Variants in FAM107B observed in about 807,000 individuals in gnomAD.
FAM107B encodes family with sequence similarity 107 member B.
In FAM107B, 21 loss-of-function variants were observed where a neutral mutation model predicts 31.5. The observed-to-expected ratio is 0.67, with a 90% CI of 0.47 to 0.96. FAM107B has a LOEUF of 0.96. Among genes scored for constraint, FAM107B ranks in the 40% least tolerant of loss-of-function variants. The pLI, the probability that FAM107B is intolerant of heterozygous loss-of-function variation, is 0.00. For missense variants in FAM107B, 452 were observed against 377.1 expected, an observed-to-expected ratio of 1.20 and a Z score of -1.64; for synonymous variants, 157 against 141.5, an observed-to-expected ratio of 1.11 and a Z score of -0.78.
At chr10:14,589,200 AGAGT>A in intron 2 of FAM107B, among the ~76,000 whole-genome samples, 1 of 152,028 alleles carries the variant, frequency 6.6e-6, no homozygotes, top group Non-Finnish European at 1.5e-5. Flanking sequence ...AAGAAAAAAA[AGAGT>A]AAGTGGTGAC....
At chr10:14,552,925 C>A (rs1849389127) in intron 2 of FAM107B, among the ~76,000 whole-genome samples, 1 of 152,192 alleles carries the variant, frequency 6.6e-6, no homozygotes, top group African/African-American at 2.4e-5. Flanking sequence ...GAAAATCCTG[C>A]CCTAATTCAC....
intron 2 of FAM107B, among the ~76,000 whole-genome samples, chr10:14,551,772 T>C (rs1298027265): frequency 1.3e-5 from 2 of 152,296 alleles, no homozygotes; most frequent in Admixed American, 1.3e-4. Context: ...AAGGAATATC[T>C]TTTTCTCCTT....
chr10:14,588,370 C>T (rs1264121443), intron 2 of FAM107B, among the ~76,000 whole-genome samples: 2 of 152,218 alleles, frequency 1.3e-5, no homozygotes, highest in Non-Finnish European at 2.9e-5. Flanking sequence ...CTACTCCAGG[C>T]ACAAATACCA....
intron 2 of FAM107B, chr10:14,604,308 G>A: frequency 2.1e-6 from 2 of 971,304 alleles, no homozygotes; most frequent in Non-Finnish European, 2.4e-6. Context: ...GGCGCCCAGC[G>A]GCCCGACTGC....
chr10:14,603,167 A>G (rs1170279428), intron 2 of FAM107B, among the ~76,000 whole-genome samples: 1 of 152,162 alleles, frequency 6.6e-6, no homozygotes, highest in African/African-American at 2.4e-5. Flanking sequence ...TTTTCTCATG[A>G]AAAGTTTTAA....
At chr10:14,595,511 C>T (rs192822057) in intron 2 of FAM107B, among the ~76,000 whole-genome samples, 71 of 150,028 alleles carry the variant, frequency 4.7e-4, no homozygotes, top group Non-Finnish European at 8.0e-4. Flanking sequence ...CTGCAACCTC[C>T]GCCTCCTGAG....
chr10:14,762,691 G>A (rs1010808706), intron 1 of FAM107B, among the ~76,000 whole-genome samples: 1 of 150,720 alleles, frequency 6.6e-6, no homozygotes, highest in African/African-American at 2.4e-5. Flanking sequence ...GGGAGGCAGA[G>A]GTTGCAGTGA....
At chr10:14,619,749 C>T (rs930974544) in intron 2 of FAM107B, among the ~76,000 whole-genome samples, 2 of 140,286 alleles carry the variant, frequency 1.4e-5, no homozygotes, top group Non-Finnish European at 3.1e-5. Flanking sequence ...CCAAGCTAAG[C>T]ACACAATTAC....
intron 1 of FAM107B, among the ~76,000 whole-genome samples, chr10:14,763,898 C>T (rs1316290531): frequency 6.6e-6 from 1 of 152,192 alleles, no homozygotes; most frequent in Non-Finnish European, 1.5e-5. Flanking sequence ...CATTGCTGTC[C>T]CCATTCAAGA....
chr10:14,539,304 G>T (rs1436709183), intron 2 of FAM107B, among the ~76,000 whole-genome samples: 1 of 152,182 alleles, frequency 6.6e-6, no homozygotes, highest in Non-Finnish European at 1.5e-5. Flanking sequence ...GACCCAGCTG[G>T]TATCTGTCAG....
At chr10:14,706,282 C>T (rs1166676582) in intron 1 of FAM107B, among the ~76,000 whole-genome samples, 1 of 152,160 alleles carries the variant, frequency 6.6e-6, no homozygotes, top group Admixed American at 6.5e-5. Flanking sequence ...AATCATAACT[C>T]ATTGCAGCCT....
At position 14,588,300 on chromosome 10, in the gene FAM107B, G is replaced by A. The variant is rs577110717; in HGVS notation, c.470-57785C>T. ...TCATCACATATTTCAGCTGTAAGTA[G>A]GAAACAGGAAGCTCACAAAGAATTG... is the stretch of plus-strand genomic sequence containing the variant. On this transcript the variant is annotated intron_variant, in intron 2 of 4. Transcript: ENST00000181796. 2.6e-5 allele frequency among the ~76,000 whole-genome samples: 4 copies of A among 152,250 alleles called. No homozygotes were observed. In the South Asian group the frequency reaches 6.2e-4, roughly 24 times the overall value.
At chr10:14,745,161 T>C (rs1195334336) in intron 1 of FAM107B, among the ~76,000 whole-genome samples, 6 of 152,174 alleles carry the variant, frequency 3.9e-5, no homozygotes, top group Non-Finnish European at 8.8e-5. Flanking sequence ...ATCCCCTTTA[T>C]CATTTTTTAT....
chr10:14,655,143 G>A lies in FAM107B; in HGVS notation c.469+12491C>T, dbSNP rs115348914. Among the ~76,000 whole-genome samples the A allele has an allele frequency of 5.6e-3, 850 of 152,234 alleles. 7 individuals are homozygous for A. Among genetic ancestry groups the A allele is most frequent in the African/African-American group, 0.02 (817 of 41,538 alleles). On this transcript the variant is annotated intron_variant, in intron 2 of 4. Transcript: ENST00000181796. ...GAACGAGGTGCCAGATTCTTTAACC[G>A]TCAGATCTCATGGGAAATAAGGGTG...
At chr10:14,748,610 C>T (rs1423172550) in intron 1 of FAM107B, among the ~76,000 whole-genome samples, 7 of 152,148 alleles carry the variant, frequency 4.6e-5, no homozygotes, top group Non-Finnish European at 8.8e-5. Flanking sequence ...ATTCTTGGCC[C>T]GACAACAGTG....
At position 14,645,264 on chromosome 10, in the gene FAM107B, C is replaced by A. The variant is rs183213149; in HGVS notation, c.469+22370G>T. Among the ~76,000 whole-genome samples the A allele has an allele frequency of 1.3e-3, 199 of 152,286 alleles. 2 individuals carry two copies. The South Asian group carries it at 0.019, about 14-fold the overall frequency. Reference sequence around the variant, plus strand: ...AGGGTGCAATTCACTTATTTGGCTACAAAAAGCTCCTTTACTGCCTGTCTC... The same window carrying A: ...AGGGTGCAATTCACTTATTTGGCTAAAAAAAGCTCCTTTACTGCCTGTCTC... On this transcript the variant is annotated intron_variant, in intron 2 of 4. Transcript: ENST00000181796.
chr10:14,615,766 C>G (rs1309930141), intron 2 of FAM107B, among the ~76,000 whole-genome samples: 3 of 152,150 alleles, frequency 2.0e-5, no homozygotes, highest in African/African-American at 7.2e-5. Context: ...TAAAAAGCAC[C>G]ATTCCATACT....
intron 2 of FAM107B, among the ~76,000 whole-genome samples, chr10:14,581,844 A>G (rs1268122472): frequency 6.6e-6 from 1 of 152,212 alleles, no homozygotes; most frequent in Non-Finnish European, 1.5e-5. Flanking sequence ...CCAGGGCTGC[A>G]GTGAACTGTG....
chr10:14,535,766 T>C (rs1009167458), intron 2 of FAM107B, among the ~76,000 whole-genome samples: 1 of 152,210 alleles, frequency 6.6e-6, no homozygotes, highest in African/African-American at 2.4e-5. Context: ...AGAATTGTAT[T>C]TCAGACAGAC....
Sources: gnomAD v4.1 joint callset for allele counts (sites outside exome capture counted in the v4.1 genomes callset) on GRCh38, gnomAD v4.1.1 for gene constraint, MANE v1.5 for transcripts, NCBI Gene and HGNC (gene_info 2026-07-23, HGNC 2026-07-21) for gene names.